Variants in KLF12 observed in about 807,000 individuals in gnomAD.
The protein encoded by KLF12 is Krueppel-like factor 12.
In KLF12, 9 loss-of-function variants were observed where a neutral mutation model predicts 37.8. The ratio of observed to expected loss-of-function variants is 0.24; its 90% CI spans 0.14 to 0.42. The LOEUF (loss-of-function observed/expected upper bound fraction) is 0.42. Among genes scored for constraint, KLF12 ranks in the 10% least tolerant of loss-of-function variants. The probability of loss-of-function intolerance (pLI) is 1.00; values close to 1 mark genes in which losing one functional copy is unlikely to be tolerated. For synonymous variants in KLF12, 208 were observed against 202.1 expected (o/e 1.03, Z -0.25); for missense variants, 411 against 516.0 (o/e 0.80, Z 1.97).
chr13:74,091,761 T>A (rs1415452240), intron 1 of KLF12, among the ~76,000 whole-genome samples: 1 of 152,144 alleles, frequency 6.6e-6, no homozygotes, highest in East Asian at 1.9e-4. Context: ...TGTGAATTTG[T>A]CTAAAAGCTA....
At chr13:73,937,686 C>T (rs1890012085) in intron 3 of KLF12, among the ~76,000 whole-genome samples, 2 of 152,208 alleles carry the variant, frequency 1.3e-5, no homozygotes, top group Non-Finnish European at 2.9e-5. Context: ...AACTTCATAG[C>T]TTTGCCCAGG....
chr13:73,730,616 G>C (rs1876992184), intron 6 of KLF12, among the ~76,000 whole-genome samples: 1 of 152,082 alleles, frequency 6.6e-6, no homozygotes, highest in African/African-American at 2.4e-5. Flanking sequence ...GTCAAGGGAG[G>C]GGGTGTCTGA....
intron 5 of KLF12, among the ~76,000 whole-genome samples, chr13:73,804,082 C>G (rs930628682): frequency 6.6e-6 from 1 of 152,166 alleles, no homozygotes; most frequent in African/African-American, 2.4e-5. Context: ...CCTCTCCAAG[C>G]AGCTGCATCT....
At chr13:74,230,150 C>T in the KLF12 span, among the ~76,000 whole-genome samples, 1 of 152,136 alleles carries the variant, frequency 6.6e-6, no homozygotes, top group African/African-American at 2.4e-5. Flanking sequence ...GTAATTGAAT[C>T]ATGGGGGCAG....
chr13:74,135,890 G>A (rs1276875830), upstream of KLF12, among the ~76,000 whole-genome samples: 2 of 152,232 alleles, frequency 1.3e-5, no homozygotes, highest in Admixed American at 6.5e-5. Context: ...GGCCAGCTGG[G>A]CTCCCCATCG....
chr13:73,978,163 A>C (rs1295874551), intron 2 of KLF12, among the ~76,000 whole-genome samples: 1 of 152,200 alleles, frequency 6.6e-6, no homozygotes, highest in East Asian at 1.9e-4. Flanking sequence ...TGTGAAAGAC[A>C]CTGTCAAGAG....
chr13:74,168,402 C>G, the KLF12 span, among the ~76,000 whole-genome samples: 1 of 152,204 alleles, frequency 6.6e-6, no homozygotes, highest in Non-Finnish European at 1.5e-5. Context: ...GAGTGCTTGG[C>G]TGTCAATGTT....
the KLF12 span, among the ~76,000 whole-genome samples, chr13:74,301,301 A>G: frequency 1.3e-5 from 2 of 152,150 alleles, no homozygotes; most frequent in African/African-American, 2.4e-5. Context: ...AGTTCTCCTA[A>G]TCACCAGCAC....
At chr13:73,977,852 AAGGC>A (rs1891579286) in intron 2 of KLF12, among the ~76,000 whole-genome samples, 2 of 152,254 alleles carry the variant, frequency 1.3e-5, no homozygotes, top group Non-Finnish European at 2.9e-5. Context: ...CAAAGGTGCG[AAGGC>A]AATAAAATGG....
chr13:73,717,478 T>C (rs1283084406), intron 6 of KLF12, among the ~76,000 whole-genome samples: 1 of 152,208 alleles, frequency 6.6e-6, no homozygotes, highest in Non-Finnish European at 1.5e-5. Flanking sequence ...ATTGCTCCAG[T>C]GAATTTTTTC....
At chr13:73,764,471 C>G (rs1879774157) in intron 6 of KLF12, among the ~76,000 whole-genome samples, 2 of 110,994 alleles carry the variant, frequency 1.8e-5, no homozygotes, top group South Asian at 7.3e-4. Flanking sequence ...TTAGTACTCC[C>G]CAAATTAAAA....
At chr13:74,050,693 C>T (rs1489416522) in intron 1 of KLF12, among the ~76,000 whole-genome samples, 1 of 152,172 alleles carries the variant, frequency 6.6e-6, no homozygotes, top group African/African-American at 2.4e-5. Flanking sequence ...CCCAAAAGCA[C>T]AGGCAACAAA....
chr13:73,981,020 C>T (rs1566492272), intron 2 of KLF12, among the ~76,000 whole-genome samples: 2 of 151,938 alleles, frequency 1.3e-5, no homozygotes, highest in Non-Finnish European at 2.9e-5. Flanking sequence ...ATTAGCCGGG[C>T]GTGGTGATGC....
the KLF12 span, among the ~76,000 whole-genome samples, chr13:74,275,101 G>C: frequency 1.3e-5 from 2 of 152,168 alleles, no homozygotes; most frequent in African/African-American, 4.8e-5. Context: ...AGAGCCATGT[G>C]AGGATTTTGG....
intron 2 of KLF12, among the ~76,000 whole-genome samples, chr13:73,954,315 T>C (rs1890760657): frequency 6.6e-6 from 1 of 152,256 alleles, no homozygotes; most frequent in African/African-American, 2.4e-5. Flanking sequence ...ATTCATTCTC[T>C]TCATATATTT....
chr13:74,050,643 T>A (rs978277500), intron 1 of KLF12, among the ~76,000 whole-genome samples: 1 of 152,034 alleles, frequency 6.6e-6, no homozygotes, highest in Non-Finnish European at 1.5e-5. Context: ...ACAGAAAAAA[T>A]TACTGTTATT....
chr13:73,841,911 T>C (rs1413194077), intron 4 of KLF12, among the ~76,000 whole-genome samples: 1 of 152,158 alleles, frequency 6.6e-6, no homozygotes, highest in Non-Finnish European at 1.5e-5. Context: ...TTCTAAATTA[T>C]GTTTGTTTAC....
chr13:74,157,877 A>G, the KLF12 span, among the ~76,000 whole-genome samples: 1 of 152,176 alleles, frequency 6.6e-6, no homozygotes, highest in African/African-American at 2.4e-5. Context: ...GGCATTCATC[A>G]GGTGCCCTCA....
the KLF12 span, among the ~76,000 whole-genome samples, chr13:74,183,517 AATTTTTTTTTCTGGTTATGAAAAC>A: frequency 6.6e-6 from 1 of 152,170 alleles, no homozygotes; most frequent in South Asian, 2.1e-4. Context: ...AATCACAAGG[AATTTTTTTTTCTGGTTATGAAAAC>A]ATAATCATGA....
Sources: allele counts gnomAD v4.1 joint callset (sites outside exome capture counted in the v4.1 genomes callset), GRCh38; gene constraint gnomAD v4.1.1; transcripts MANE v1.5; gene names NCBI Gene and HGNC (gene_info 2026-07-23, HGNC 2026-07-21).